The following DERA variants were observed in gnomAD, a reference collection of about 807,000 sequenced individuals.
DERA encodes 2-deoxy-D-ribose 5-phosphate aldolase.
Under a neutral mutation model 41.1 loss-of-function variants are expected in DERA, and 15 were observed. The observed-to-expected ratio is 0.37, with a 90% confidence interval of 0.24 to 0.56. DERA has a LOEUF of 0.56. Ranked by LOEUF, DERA falls within the 20% of genes least tolerant of loss-of-function variation. DERA has a pLI of 0.81. For synonymous variants in DERA, 139 were observed against 137.4 expected (o/e 1.01, Z -0.08); for missense variants, 396 against 403.4 (o/e 0.98, Z 0.16).
In DERA at chr12:15,998,951, C is replaced by T. The variant is rs1326280896; in HGVS notation, c.637+16515C>T. ...GAATTTATATTTTAAATTTAGGTCT[C>T]TCAGGACATTTGTAATTCTTCTACT... On this transcript the variant is annotated intron_variant, in intron 6 of 8. Transcript: ENST00000428559. This position sits in a 1 kb window ranked among gnomAD's most constrained non-coding sequence, Gnocchi z 4.8. Among the ~76,000 whole-genome samples the T allele has an allele frequency of 6.6e-6, 1 of 152,176 alleles. No homozygotes were observed. The highest frequency in any genetic ancestry group is 1.9e-4 in the East Asian group (1 of 5,200).
intron 5 of DERA, among the ~76,000 whole-genome samples, chr12:15,975,387 C>T (rs1439742610): frequency 6.6e-6 from 1 of 152,082 alleles, no homozygotes; most frequent in Non-Finnish European, 1.5e-5. Context: ...GCCAGCTGAT[C>T]CATCAAGTGC....
chr12:16,002,211 C>G (rs1948880569), intron 6 of DERA, among the ~76,000 whole-genome samples: 1 of 148,180 alleles, frequency 6.7e-6, no homozygotes, highest in African/African-American at 2.5e-5. Flanking sequence ...TCAATTCCCA[C>G]CTATGAGTGA....
chr12:15,929,895 G>A (rs1371050209), intron 1 of DERA, among the ~76,000 whole-genome samples: 1 of 152,174 alleles, frequency 6.6e-6, no homozygotes, highest in African/African-American at 2.4e-5. Context: ...AAATATATAT[G>A]TTGGGATGTT....
chr12:15,922,862 C>T lies in DERA; in HGVS notation c.31+11448C>T, dbSNP rs949751731. On this transcript the variant is annotated intron_variant, in intron 1 of 8. Coordinates refer to ENST00000428559, the MANE Select transcript of DERA (RefSeq NM_015954.4). The surrounding 1 kb of genome is among the most constrained non-coding windows in gnomAD (Gnocchi z 4.9). ...CAGACACACGAGAATGTAGGTTCAT[C>T]AGTTGTAAGGTTTATACCACTCTGG... 6.6e-6 allele frequency among the ~76,000 whole-genome samples: 1 copy of T among 151,930 alleles called. No individual in the cohort carries two copies. The highest frequency in any genetic ancestry group is 2.4e-5 in the African/African-American group (1 of 41,338).
intron 6 of DERA, among the ~76,000 whole-genome samples, chr12:16,007,481 G>A (rs996441394): frequency 2.0e-5 from 3 of 152,138 alleles, no homozygotes; most frequent in African/African-American, 4.8e-5. Context: ...ACTGTGCCCC[G>A]CCAATAGACA....
intron 5 of DERA, among the ~76,000 whole-genome samples, chr12:15,978,813 AT>A (rs1158895759): frequency 6.6e-6 from 1 of 152,218 alleles, no homozygotes; most frequent in Non-Finnish European, 1.5e-5. Flanking sequence ...CAGGAACACC[AT>A]CACTGCTGCC....
Position 15,982,281 on chromosome 12 carries a change from A to G in DERA, c.509-27A>G, listed in dbSNP as rs1211054991. The G allele has an allele frequency of 6.2e-7, 1 of 1,601,520 alleles. No homozygotes were observed. The highest frequency in any genetic ancestry group is 8.5e-7 in the Non-Finnish European group (1 of 1,175,946). Reference sequence around the variant, plus strand: ...TTATGTTATCACTTGCCTGCTTTGTAACTGCCTCAATTATTTTCTTCCCCA... The same window carrying G: ...TTATGTTATCACTTGCCTGCTTTGTGACTGCCTCAATTATTTTCTTCCCCA... On this transcript the variant is annotated intron_variant, in intron 5 of 8. Coordinates refer to ENST00000428559, the MANE Select transcript of DERA (RefSeq NM_015954.4). The surrounding 1 kb of genome is among the most constrained non-coding windows in gnomAD (Gnocchi z 4.0).
At chr12:15,934,352 C>T (rs1009574683) in intron 1 of DERA, among the ~76,000 whole-genome samples, 12 of 151,994 alleles carry the variant, frequency 7.9e-5, no homozygotes, top group South Asian at 2.1e-4. Context: ...TTTGGGAGGC[C>T]GAGGCGGGTG....
rs1229194200 is a variant in DERA, at chr12:15,995,497, A to G, written c.637+13061A>G. On this transcript the variant is annotated intron_variant, in intron 6 of 8. Transcript: ENST00000428559. The surrounding 1 kb of genome is among the most constrained non-coding windows in gnomAD (Gnocchi z 5.1). ...TTAGAAAATTAACCAGGGTTGTGAT[A>G]CAACTGCCACTTGAGTTCTGTACTT... 6.6e-6 allele frequency among the ~76,000 whole-genome samples: 1 copy of G among 152,150 alleles called. No homozygotes were observed. The highest frequency in any genetic ancestry group is 2.4e-5 in the African/African-American group (1 of 41,434).
rs1280009431 is a variant in DERA at position 16,026,169 on chromosome 12, G to A, written c.638-6373G>A. Among the ~76,000 whole-genome samples the A allele has an allele frequency of 1.3e-5, 2 of 150,892 alleles. No homozygotes were observed. The highest frequency in any genetic ancestry group is 3.0e-5 in the Non-Finnish European group (2 of 67,616). On this transcript the variant is annotated intron_variant, in intron 6 of 8. Transcript: ENST00000428559. This position sits in a 1 kb window ranked among gnomAD's most constrained non-coding sequence, Gnocchi z 4.4. ...CAATTTAAGCCTAAAGCAAACAGGA[G>A]GAATAGAAATGAGAACAGAAATGAT...
chr12:16,016,838 AC>A (rs1400484615), intron 6 of DERA, among the ~76,000 whole-genome samples: 12 of 151,068 alleles, frequency 7.9e-5, no homozygotes, highest in African/African-American at 2.9e-4. Flanking sequence ...ATTAACTTAA[AC>A]CCACTCTAAA....
At chr12:15,969,786 A>G (rs1289034903) in intron 5 of DERA, among the ~76,000 whole-genome samples, 1 of 152,196 alleles carries the variant, frequency 6.6e-6, no homozygotes, top group African/African-American at 2.4e-5. Flanking sequence ...CTCAAAAATA[A>G]ATTGGTATAT....
rs1948163002 is a variant in DERA, at chr12:15,911,467, G to A, written c.31+53G>A. The A allele has an allele frequency of 1.4e-6, 2 of 1,400,088 alleles. No individual in the cohort carries two copies. Among genetic ancestry groups the A allele is most frequent in the Non-Finnish European group, 1.9e-6 (2 of 1,078,530 alleles). 86.7% of individuals were successfully genotyped at this position (1,400,088 alleles called of 1,614,324 possible). On this transcript the variant is annotated intron_variant, in intron 1 of 8. Transcript: ENST00000428559. This position sits in a 1 kb window ranked among gnomAD's most constrained non-coding sequence, Gnocchi z 4.5. The stretch of plus-strand genomic sequence containing the variant: ...CCTCTCCCTCGCGTTCAGCGCCGCC[G>A]GGACTAGCGCGGGGCCTGCTGCCGC...
At position 15,976,523 on chromosome 12, in the gene DERA, G is replaced by C. The variant is rs1377734708; in HGVS notation, c.509-5785G>C. On this transcript the variant is annotated intron_variant, in intron 5 of 8. Coordinates refer to ENST00000428559, the MANE Select transcript of DERA (RefSeq NM_015954.4). The surrounding 1 kb of genome is among the most constrained non-coding windows in gnomAD (Gnocchi z 4.1). The stretch of plus-strand genomic sequence containing the variant: ...CACCTTCTTGGCAGTGTGTGGCTGA[G>C]AAAATCCCTGCTCTCCCTTGTCTGT... 6.6e-6 allele frequency among the ~76,000 whole-genome samples: 1 copy of C among 152,172 alleles called. No homozygotes were observed. Among genetic ancestry groups the C allele is most frequent in the East Asian group, 1.9e-4 (1 of 5,186 alleles).
intron 5 of DERA, among the ~76,000 whole-genome samples, chr12:15,964,689 A>G (rs954836193): frequency 2.0e-5 from 3 of 152,256 alleles, no homozygotes; most frequent in Non-Finnish European, 4.4e-5. Context: ...ATACAAACCT[A>G]TATGTCCTTT....
chr12:15,922,076 G>A lies in DERA; in HGVS notation c.31+10662G>A, dbSNP rs1171416457. 6.6e-6 allele frequency among the ~76,000 whole-genome samples: 1 copy of A among 152,164 alleles called. No homozygotes were observed. Among genetic ancestry groups the A allele is most frequent in the African/African-American group, 2.4e-5 (1 of 41,434 alleles). ...AATCTCAAAGTCATTCATTCAGCAT[G>A]TGTATGTTGAGTACTGTGAACTCAT... On this transcript the variant is annotated intron_variant, in intron 1 of 8. Coordinates refer to ENST00000428559, the MANE Select transcript of DERA (RefSeq NM_015954.4). The surrounding 1 kb of genome is among the most constrained non-coding windows in gnomAD (Gnocchi z 4.9).
At chr12:16,030,780 C>T (rs1949087445) in intron 6 of DERA, among the ~76,000 whole-genome samples, 1 of 152,198 alleles carries the variant, frequency 6.6e-6, no homozygotes, top group Non-Finnish European at 1.5e-5. Flanking sequence ...AAGGCAGGAA[C>T]TTTTTGTTCA....
rs1441823845 is a variant in DERA, at chr12:16,011,130, C to T, written c.638-21412C>T. Among the ~76,000 whole-genome samples, 1 of 152,108 alleles carries T rather than the reference C, an allele frequency of 6.6e-6. No individual in the cohort carries two copies. The highest frequency in any genetic ancestry group is 1.5e-5 in the Non-Finnish European group (1 of 68,028). ...AGTTAATAGATTCCACACAAGCATA[C>T]CTGACTTTTAATGTTAATATATACT... On this transcript the variant is annotated intron_variant, in intron 6 of 8. Coordinates refer to ENST00000428559, the MANE Select transcript of DERA (RefSeq NM_015954.4). The surrounding 1 kb of genome is among the most constrained non-coding windows in gnomAD (Gnocchi z 4.7).
intron 1 of DERA, among the ~76,000 whole-genome samples, chr12:15,947,400 G>T (rs1948458605): frequency 6.6e-6 from 1 of 152,130 alleles, no homozygotes. Context: ...CCTGTGTTGG[G>T]TGCATATATA....
Sources: gnomAD v4.1 joint callset for allele counts (sites outside exome capture counted in the v4.1 genomes callset) on GRCh38, gnomAD v4.1.1 for gene constraint, Gnocchi (gnomAD v3.1) non-coding constraint, MANE v1.5 for transcripts, NCBI Gene and HGNC (gene_info 2026-07-23, HGNC 2026-07-21) for gene names.